Variants in ECH1 observed in about 807,000 individuals in gnomAD.
The protein encoded by ECH1 is delta(3,5)-Delta(2,4)-dienoyl-CoA isomerase, mitochondrial.
A neutral mutation model predicts 37.0 loss-of-function variants in ECH1; 30 were observed. The ratio of observed to expected loss-of-function variants is 0.81; its 90% CI spans 0.61 to 1.10. The LOEUF is 1.10. Among genes scored for constraint, ECH1 ranks in the 50% least tolerant of loss-of-function variants. The probability of loss-of-function intolerance (pLI) is 0.00; values close to 1 mark genes in which losing one functional copy is unlikely to be tolerated. For missense variants in ECH1, 456 were observed against 441.6 expected, an observed-to-expected ratio of 1.03 and a Z score of -0.29; for synonymous variants, 178 against 176.0, an observed-to-expected ratio of 1.01 and a Z score of -0.09.
At position 38,817,103 on chromosome 19, in the gene ECH1, T is replaced by A; in HGVS notation, c.550A>T (p.Ile184Phe). The A allele has an allele frequency of 6.3e-7, 1 of 1,577,756 alleles. No individual in the cohort carries two copies. The highest frequency in any genetic ancestry group is 8.6e-7 in the Non-Finnish European group (1 of 1,162,024). ...GGVDLVTACD[I>F]RYCAQDAFFQ... ...AAAGCATCCTGGGCACAGTACCGGA[T>A]GTCACAGGCGGTGACAAGGTCCACA... Residue 184 changes from isoleucine (I) to phenylalanine (F), a missense_variant, in exon 6 of 10, where the codon ATC becomes TTC. By Grantham distance (21) the Ile-to-Phe change is conservative. Coordinates refer to ENST00000221418, the MANE Select transcript of ECH1 (RefSeq NM_001398.3).
intron 3 of ECH1, among the ~76,000 whole-genome samples, chr19:38,825,234 T>C (rs1265792913): frequency 1.3e-5 from 2 of 152,182 alleles, no homozygotes; most frequent in Non-Finnish European, 1.5e-5. Context: ...ATCCCCAGTA[T>C]GGATCCCCAC....
intron 3 of ECH1, among the ~76,000 whole-genome samples, chr19:38,830,254 A>G (rs1249133732): frequency 1.3e-5 from 2 of 152,236 alleles, no homozygotes; most frequent in African/African-American, 4.8e-5. Flanking sequence ...AGAAAAGGTC[A>G]GTGGGTCAAT....
chr19:38,815,809 C>T (rs1471309317), intron 9 of ECH1, 48 bp downstream of exon 9: 1 of 1,613,086 alleles, frequency 6.2e-7, no homozygotes, highest in East Asian at 2.2e-5. Flanking sequence ...CCTGGTTGGT[C>T]GCCTGGGGTT....
intron 6 of ECH1, 151 bp downstream of exon 6, chr19:38,816,914 C>T (rs1004664643): frequency 1.1e-4 from 99 of 906,604 alleles, no homozygotes; most frequent in African/African-American, 2.2e-4. Context: ...CTTACCCACT[C>T]ACAACTTCAC....
At position 38,816,283 on chromosome 19, in the gene ECH1, C is replaced by T; in HGVS notation, c.731+1G>A. 3 of 1,612,982 alleles carry T rather than the reference C, an allele frequency of 1.9e-6. No homozygotes were observed. Among genetic ancestry groups the T allele is most frequent in the Non-Finnish European group, 2.5e-6 (3 of 1,179,988 alleles). On this transcript the variant is annotated splice_donor_variant, in intron 8 of 9. Transcript: ENST00000221418. LOFTEE classifies it high-confidence loss of function. ...CTGAGCTACCACGGCCATGGCCCTACCTGACCAGCCCACTGCCCAGGGCCT... is the reference window on the plus strand; with the variant it reads ...CTGAGCTACCACGGCCATGGCCCTATCTGACCAGCCCACTGCCCAGGGCCT...
In ECH1 at chr19:38,831,475, G is replaced by C. The variant is rs778690027; in HGVS notation, c.94C>G (p.Arg32Gly). ...TCTTGTGCAGAGGAGCCAGTGAGGC[G>C]AAGGCTAATACTGAGTCCCGGGTAG... ...SNYPGLSISLRLTGSSAQEEA... is the reference protein window; with the variant it reads ...SNYPGLSISLGLTGSSAQEEA... Residue 32 changes from arginine (R) to glycine (G), a missense_variant, in exon 2 of 10, where the codon CGC (arginine) becomes GGC (glycine). Physicochemically the swap from Arg to Gly is moderately radical, Grantham distance 125. Coordinates refer to ENST00000221418, the MANE Select transcript of ECH1 (RefSeq NM_001398.3). 1 of 1,614,130 alleles carries C rather than the reference G, an allele frequency of 6.2e-7. No homozygotes were observed. Among genetic ancestry groups the C allele is most frequent in the South Asian group, 1.1e-5 (1 of 91,082 alleles).
intron 3 of ECH1, among the ~76,000 whole-genome samples, chr19:38,818,899 C>CTGTG (rs1363448211): frequency 1.1e-5 from 1 of 90,238 alleles, no homozygotes; most frequent in Non-Finnish European, 2.5e-5. Context: ...TGGCCTCCAA[C>CTGTG]TCTGTGTGTG....
At chr19:38,824,014 C>T (rs973853088) in intron 3 of ECH1, among the ~76,000 whole-genome samples, 4 of 152,200 alleles carry the variant, frequency 2.6e-5, no homozygotes, top group African/African-American at 9.7e-5. Context: ...CCTCCTCAGA[C>T]TAACAGGCCT....
intron 3 of ECH1, 200 bp downstream of exon 3, chr19:38,830,878 C>T: frequency 1.7e-6 from 1 of 579,120 alleles, no homozygotes; most frequent in Non-Finnish European, 3.1e-6. Flanking sequence ...ATTGCTTGAA[C>T]CCGGGAGGTG....
intron 3 of ECH1, among the ~76,000 whole-genome samples, chr19:38,824,563 C>G (rs1412891110): frequency 6.6e-6 from 1 of 152,116 alleles, no homozygotes; most frequent in Non-Finnish European, 1.5e-5. Context: ...TGGCCTGGCC[C>G]CAGTATTCTC....
chr19:38,815,944 G>C lies in ECH1; in HGVS notation c.795C>G (p.Ser265=), dbSNP rs761923532. ...DAALALAAEI[S]SKSPVAVQST... ...TCTGCACCGCCACGGGGCTCTTGCT[G>C]GAAATCTCGGCCGCCAGCGCTAAGG... The change falls in exon 9 of 10, where the codon TCC becomes TCG. Residue 265 remains serine, a synonymous_variant. Coordinates refer to ENST00000221418, the MANE Select transcript of ECH1 (RefSeq NM_001398.3). 1 of 1,614,170 alleles carries C rather than the reference G, an allele frequency of 6.2e-7. No homozygotes were observed.
intron 3 of ECH1, chr19:38,819,063 A>G (rs941323806): frequency 5.1e-6 from 5 of 973,030 alleles, no homozygotes; most frequent in East Asian, 1.1e-4. Context: ...CTATGATCGC[A>G]CCACTGCACT....
intron 3 of ECH1, among the ~76,000 whole-genome samples, chr19:38,828,697 C>G (rs1971772823): frequency 6.6e-6 from 1 of 152,058 alleles, no homozygotes. Flanking sequence ...CTCACTGCAA[C>G]CTCTGCCTCC....
intron 3 of ECH1, chr19:38,820,047 C>T: frequency 2.2e-6 from 1 of 448,902 alleles, no homozygotes; most frequent in Non-Finnish European, 2.9e-6. Flanking sequence ...GCCAAAGTCC[C>T]CCTTACTTTT....
rs186101961 is a variant in ECH1 at position 38,817,456 on chromosome 19, C to T, written c.469G>A (p.Glu157Lys). 17 of 1,613,560 alleles carry T rather than the reference C, an allele frequency of 1.1e-5. No homozygotes were observed. The highest frequency in any genetic ancestry group is 2.2e-5 in the East Asian group (1 of 44,882). Residue 157 changes from glutamate (E) to lysine (K), a missense_variant, in exon 4 of 10, where the codon GAG (glutamate) becomes AAG (lysine). By Grantham distance (56) the Glu-to-Lys change is moderately conservative (BLOSUM62 1). Transcript: ENST00000221418. ...CTCCAGACCCCTAGAGTCACCCTCTCGATGACGTTGAAGGTCTCCTGGTAT... is the reference window on the plus strand; with the variant it reads ...CTCCAGACCCCTAGAGTCACCCTCTTGATGACGTTGAAGGTCTCCTGGTAT... ...TRYQETFNVI[E>K]RCPKPVIAAV...
chr19:38,818,901 CTGTGTGTG>C lies in ECH1; in HGVS notation c.350-1334_350-1327del, dbSNP rs761871749. Among the ~76,000 whole-genome samples, 225 of 133,592 alleles carry C rather than the reference CTGTGTGTG, an allele frequency of 1.7e-3. 3 individuals carry two copies. Among genetic ancestry groups the C allele is most frequent in the Admixed American group, 3.5e-3 (46 of 13,028 alleles). 87.6% of individuals were successfully genotyped at this position (133,592 alleles called of 152,430 possible). On this transcript the variant is annotated intron_variant, in intron 3 of 9. Transcript: ENST00000221418. Reference sequence around the variant, plus strand: ...ACTTTGGGCACACTGGCCTCCAACTCTGTGTGTGTGTGTGTGTGTGTGTGTGTGTGTGC... The same window carrying C: ...ACTTTGGGCACACTGGCCTCCAACTCTGTGTGTGTGTGTGTGTGTGTGTGC...
At chr19:38,829,584 G>A (rs754905807) in intron 3 of ECH1, among the ~76,000 whole-genome samples, 2 of 152,138 alleles carry the variant, frequency 1.3e-5, no homozygotes, top group South Asian at 2.1e-4. Context: ...TTTGGAGGCC[G>A]AGGCGGGCAG....
intron 3 of ECH1, among the ~76,000 whole-genome samples, chr19:38,830,113 C>A (rs1971797123): frequency 6.6e-6 from 1 of 152,274 alleles, no homozygotes; most frequent in East Asian, 1.9e-4. Flanking sequence ...GTTGAGATTG[C>A]ACCATTGCAA....
chr19:38,817,711 T>G, intron 3 of ECH1, 136 bp from the exon 4 acceptor site: 1 of 1,422,842 alleles, frequency 7.0e-7, no homozygotes. Flanking sequence ...CACACAGGAC[T>G]TGGTGAGGGA....
Sources: allele counts gnomAD v4.1 joint callset (sites outside exome capture counted in the v4.1 genomes callset), GRCh38; gene constraint gnomAD v4.1.1; transcripts MANE v1.5; gene names NCBI Gene and HGNC (gene_info 2026-07-23, HGNC 2026-07-21).